NCOA5: variants seen among roughly 807,000 people sequenced by gnomAD.
The protein encoded by NCOA5 is NCoA-5.
NCOA5 carries 12 observed loss-of-function variants against 59.0 expected under a neutral mutation model. The observed-to-expected ratio is 0.20, with a 90% confidence interval of 0.13 to 0.33. NCOA5 has a LOEUF of 0.33. NCOA5 is among the 10% of genes least tolerant of loss of function. The pLI is 1.00. For missense variants in NCOA5, 655 were observed against 766.6 expected (o/e 0.85, Z 1.72); for synonymous variants, 270 against 275.5 (o/e 0.98, Z 0.20).
At chr20:46,086,802 G>A (rs1339173584) in intron 1 of NCOA5, among the ~76,000 whole-genome samples, 2 of 152,194 alleles carry the variant, frequency 1.3e-5, no homozygotes, top group East Asian at 1.9e-4. Context: ...TCAGTTCTGA[G>A]GAACACTATT....
At chr20:46,089,303 G>A (rs926885901) in intron 1 of NCOA5, among the ~76,000 whole-genome samples, 1 of 152,230 alleles carries the variant, frequency 6.6e-6, no homozygotes, top group Non-Finnish European at 1.5e-5. Flanking sequence ...CCCCGAGAAT[G>A]CGGTCAGGGG....
rs2084782214 is a variant in NCOA5, at chr20:46,062,856, G to C, written c.1184C>G (p.Ser395Trp). 3.3e-6 allele frequency: 5 copies of C among 1,522,640 alleles called. No individual in the cohort carries two copies. The highest frequency in any genetic ancestry group is 4.4e-6 in the Non-Finnish European group (5 of 1,136,266). The allele number at this position is 1,522,640 out of a possible 1,614,324, so 94.3% of individuals were successfully genotyped here. ...PISRQPLGAT[S>W]GASLKTQPSS... ...TGGCTGTGTCTTCAGCGAGGCACCC[G>C]AGGTCGCCCCGAGTGGTTGGCGGGA... The change falls in exon 8 of 8, where the codon TCG becomes TGG. Residue 395 changes from serine (S) to tryptophan (W), a missense_variant. Coordinates refer to ENST00000290231, the MANE Select transcript of NCOA5 (RefSeq NM_020967.3).
At chr20:46,082,334 T>C (rs574826422) in intron 1 of NCOA5, among the ~76,000 whole-genome samples, 29 of 151,824 alleles carry the variant, frequency 1.9e-4, no homozygotes, top group Non-Finnish European at 3.5e-4. Flanking sequence ...ACCAAGCAAA[T>C]AGAAATGGTG....
intron 2 of NCOA5, among the ~76,000 whole-genome samples, chr20:46,075,493 C>T (rs764265219): frequency 4.6e-5 from 7 of 152,180 alleles, no homozygotes; most frequent in East Asian, 1.9e-4. Flanking sequence ...TGAGCCGATA[C>T]CCAATGACTT....
At position 46,065,087 on chromosome 20, in the gene NCOA5, G is replaced by A. The variant is rs554043179; in HGVS notation, c.771C>T (p.Thr257=). ...AGGAGCGGTGAATCTGGTGTTGCTG[G>A]GTGATGACAATAGCAAAAGGAGAAC... ...RGGSPFAIVI[T]QQHQIHRSCT... Residue 257 remains threonine (T), a synonymous_variant, in exon 6 of 8, where the codon ACC becomes ACT. Coordinates refer to ENST00000290231, the MANE Select transcript of NCOA5 (RefSeq NM_020967.3). 1.9e-6 allele frequency: 3 copies of A among 1,614,090 alleles called. No individual in the cohort carries two copies. In the East Asian group the frequency reaches 6.7e-5, roughly 36 times the overall value.
chr20:46,069,965 T>C (rs2084864515), intron 3 of NCOA5, among the ~76,000 whole-genome samples: 1 of 152,208 alleles, frequency 6.6e-6, no homozygotes, highest in African/African-American at 2.4e-5. Flanking sequence ...TTTGCATTCC[T>C]ACCTACAATT....
chr20:46,082,900 T>A (rs997641862), intron 1 of NCOA5, among the ~76,000 whole-genome samples: 1 of 152,180 alleles, frequency 6.6e-6, no homozygotes, highest in Non-Finnish European at 1.5e-5. Context: ...TAATCCACAA[T>A]TTTATTTTAG....
At chr20:46,068,293 C>A (rs1186258434) in intron 4 of NCOA5, among the ~76,000 whole-genome samples, 1 of 152,194 alleles carries the variant, frequency 6.6e-6, no homozygotes, top group Non-Finnish European at 1.5e-5. Flanking sequence ...GATGACTAAA[C>A]CAGATGATGG....
rs372389784 is a variant in NCOA5 at position 46,062,598 on chromosome 20, C to T, written c.1442G>A (p.Gly481Asp). ...SQPQQRSQAS[G>D]NQPPSILGQG... is the part of the protein sequence containing the mutation. ...TCCCAAAATGCTTGGAGGCTGATTG[C>T]CAGAAGCCTGTGATCTTTGTTGAGG... Residue 481 changes from glycine (G) to aspartate (D), a missense_variant, in exon 8 of 8, where the codon GGC becomes GAC. Coordinates refer to ENST00000290231, the MANE Select transcript of NCOA5 (RefSeq NM_020967.3). 6.2e-7 allele frequency: 1 copy of T among 1,614,088 alleles called. No homozygotes were observed. Among genetic ancestry groups the T allele is most frequent in the African/African-American group, 1.3e-5 (1 of 74,926 alleles).
At chr20:46,089,352 C>A (rs1037153541) in intron 1 of NCOA5, among the ~76,000 whole-genome samples, 7 of 152,244 alleles carry the variant, frequency 4.6e-5, no homozygotes, top group African/African-American at 1.7e-4. Context: ...CAGTACACCG[C>A]TCGGCGCTGC....
chr20:46,077,552 A>G (rs1568885231), intron 2 of NCOA5, among the ~76,000 whole-genome samples: 1 of 152,236 alleles, frequency 6.6e-6, no homozygotes, highest in Non-Finnish European at 1.5e-5. Context: ...TTTTGCCTGC[A>G]GAAACACACA....
intron 2 of NCOA5, among the ~76,000 whole-genome samples, chr20:46,073,601 T>C (rs958225217): frequency 4.6e-5 from 7 of 152,162 alleles, no homozygotes; most frequent in African/African-American, 1.2e-4. Context: ...CAGTTAGAAG[T>C]AGTCATTAGA....
At chr20:46,079,333 AACTCCCCAG>A (rs2084968846) in intron 2 of NCOA5, 45 bp downstream of exon 2, 1 of 1,571,870 alleles carries the variant, frequency 6.4e-7, no homozygotes, top group Non-Finnish European at 8.8e-7. Context: ...AGCTGGGCTT[AACTCCCCAG>A]AGCCCAACTC....
intron 1 of NCOA5, among the ~76,000 whole-genome samples, chr20:46,086,222 T>C (rs1304977821): frequency 6.6e-6 from 1 of 152,202 alleles, no homozygotes; most frequent in African/African-American, 2.4e-5. Context: ...AGACACTCTG[T>C]TTTCTAATGC....
chr20:46,079,325 C>T, intron 2 of NCOA5, 62 bp downstream of exon 2: 2 of 1,518,792 alleles, frequency 1.3e-6, no homozygotes, highest in Non-Finnish European at 1.8e-6. Context: ...GTGTACGAAG[C>T]TGGGCTTAAC....
At chr20:46,070,645 G>GGGCA in intron 2 of NCOA5, 109 bp from the exon 3 acceptor site, 1 of 1,033,190 alleles carries the variant, frequency 9.7e-7, no homozygotes, top group Admixed American at 2.3e-5. Flanking sequence ...CTCTAAAACA[G>GGGCA]GGCAGCCAAA....
At chr20:46,075,882 A>G (rs1196435661) in intron 2 of NCOA5, among the ~76,000 whole-genome samples, 1 of 152,236 alleles carries the variant, frequency 6.6e-6, no homozygotes, top group Non-Finnish European at 1.5e-5. Context: ...TGTGATCCAG[A>G]GCAGAGATTC....
intron 2 of NCOA5, among the ~76,000 whole-genome samples, chr20:46,071,527 T>C (rs6074012): frequency 0.49 from 74,636 of 151,996 alleles, 18,512 homozygotes; most frequent in East Asian, 0.6. Context: ...AAATTAAAAA[T>C]CAACCTACTT....
intron 2 of NCOA5, among the ~76,000 whole-genome samples, chr20:46,075,957 C>T (rs373224526): frequency 2.2e-4 from 34 of 152,244 alleles, no homozygotes; most frequent in African/African-American, 8.2e-4. Context: ...CAGCTGGAGT[C>T]ATCAGGGAGT....
Sources: gnomAD v4.1 joint callset for allele counts (sites outside exome capture counted in the v4.1 genomes callset) on GRCh38, gnomAD v4.1.1 for gene constraint, MANE v1.5 for transcripts, NCBI Gene and HGNC (gene_info 2026-07-23, HGNC 2026-07-21) for gene names.